Variants in NT5DC1 observed in about 807,000 individuals in gnomAD.
The protein encoded by NT5DC1 is 5'-nucleotidase domain-containing protein 1.
Under a neutral mutation model 59.4 loss-of-function variants are expected in NT5DC1, and 42 were observed. The ratio of observed to expected loss-of-function variants is 0.71; its 90% confidence interval spans 0.55 to 0.92. NT5DC1 has a LOEUF of 0.92. NT5DC1 is among the 40% of genes least tolerant of loss of function. The pLI, the probability that NT5DC1 is intolerant of heterozygous loss-of-function variation, is 0.00. For missense variants in NT5DC1, 501 were observed against 537.1 expected (o/e 0.93, Z 0.66); for synonymous variants, 172 against 188.1 (o/e 0.91, Z 0.70).
chr6:116,171,135 C>T (rs1780595758), intron 6 of NT5DC1, among the ~76,000 whole-genome samples: 1 of 152,002 alleles, frequency 6.6e-6, no homozygotes, highest in African/African-American at 2.4e-5. Context: ...GTAGGTGTTC[C>T]ATAAGTGATT....
chr6:116,176,461 G>A (rs949723522), intron 6 of NT5DC1, among the ~76,000 whole-genome samples: 13 of 152,068 alleles, frequency 8.5e-5, no homozygotes, highest in African/African-American at 3.1e-4. Flanking sequence ...TGCTTTACTG[G>A]TTCTCCTCCC....
rs143025303 is a variant in NT5DC1, at chr6:116,133,514, C to T, written c.529+15569C>T. On this transcript the variant is annotated intron_variant, in intron 6 of 11. Coordinates refer to ENST00000319550, the MANE Select transcript of NT5DC1 (RefSeq NM_152729.3). ...CGAGTACCTGTAGAATATTAAGTAC[C>T]TATAGGGCACCTGAGTACCTGTAGG... is the stretch of plus-strand genomic sequence containing the variant. 9.2e-3 allele frequency among the ~76,000 whole-genome samples: 1,406 copies of T among 152,176 alleles called. 18 individuals carry two copies. Among genetic ancestry groups the T allele is most frequent in the African/African-American group, 0.031 (1,297 of 41,536 alleles).
chr6:116,221,349 A>T (rs981467156), intron 7 of NT5DC1, 121 bp downstream of exon 7: 1 of 632,694 alleles, frequency 1.6e-6, no homozygotes, highest in Non-Finnish European at 2.7e-6. Context: ...CTGAGTGACA[A>T]GTTGATTTTT....
chr6:116,179,525 A>G (rs1269836858), intron 6 of NT5DC1, among the ~76,000 whole-genome samples: 2 of 152,200 alleles, frequency 1.3e-5, no homozygotes, highest in Non-Finnish European at 1.5e-5. Context: ...CCCAACAAAC[A>G]TATGACAAAA....
At chr6:116,132,631 T>C (rs150215278) in intron 6 of NT5DC1, among the ~76,000 whole-genome samples, 1 of 152,314 alleles carries the variant, frequency 6.6e-6, no homozygotes, top group East Asian at 1.9e-4. Flanking sequence ...GCACATCCCC[T>C]GGCCTAATGT....
Position 116,131,366 on chromosome 6 carries a change from T to G in NT5DC1, c.529+13421T>G, listed in dbSNP as rs559454099. Among the ~76,000 whole-genome samples, 3 of 152,344 alleles carry G rather than the reference T, an allele frequency of 2.0e-5. No homozygotes were observed. In the East Asian group the frequency reaches 5.8e-4, roughly 29 times the overall value. On this transcript the variant is annotated intron_variant, in intron 6 of 11. Coordinates refer to ENST00000319550, the MANE Select transcript of NT5DC1 (RefSeq NM_152729.3). Reference sequence around the variant, plus strand: ...CTGTATGTAACTATTTTTAAAACATTGTTTTGATTTATCCTTTTTATTAAA... The same window carrying G: ...CTGTATGTAACTATTTTTAAAACATGGTTTTGATTTATCCTTTTTATTAAA...
intron 6 of NT5DC1, among the ~76,000 whole-genome samples, chr6:116,199,653 G>A (rs1781306072): frequency 1.3e-5 from 2 of 152,002 alleles, no homozygotes; most frequent in African/African-American, 4.8e-5. Context: ...TGTAGTGCCA[G>A]AAGTAAATAA....
chr6:116,185,449 T>C (rs531210833), intron 6 of NT5DC1, among the ~76,000 whole-genome samples: 12 of 152,264 alleles, frequency 7.9e-5, no homozygotes, highest in Non-Finnish European at 1.5e-4. Context: ...TGTCTAATGC[T>C]GTCAGTGGAG....
In NT5DC1 at chr6:116,128,316, T is replaced by A. The variant is rs1355555013; in HGVS notation, c.529+10371T>A. 4.6e-5 allele frequency among the ~76,000 whole-genome samples: 7 copies of A among 152,156 alleles called. No homozygotes were observed. In the East Asian group the frequency reaches 1.3e-3, roughly 29 times the overall value. On this transcript the variant is annotated intron_variant, in intron 6 of 11. Transcript: ENST00000319550. ...GCACTGTCTTGTCCAAAACAGATTGTAGAATCAGAATATTTTCTAGCCACA... is the reference window on the plus strand; with the variant it reads ...GCACTGTCTTGTCCAAAACAGATTGAAGAATCAGAATATTTTCTAGCCACA...
chr6:116,108,491 C>A, intron 3 of NT5DC1, 56 bp downstream of exon 3: 1 of 964,656 alleles, frequency 1.0e-6, no homozygotes, highest in Non-Finnish European at 1.7e-6. Context: ...CACTTTATTA[C>A]TGAGTGGCAT....
intron 6 of NT5DC1, among the ~76,000 whole-genome samples, chr6:116,201,498 T>TG (rs1781345721): frequency 6.6e-6 from 1 of 152,054 alleles, no homozygotes; most frequent in Admixed American, 6.6e-5. Context: ...CAGTGACTTA[T>TG]GGGACTGCCT....
At chr6:116,152,289 A>G (rs1780062307) in intron 6 of NT5DC1, among the ~76,000 whole-genome samples, 1 of 152,228 alleles carries the variant, frequency 6.6e-6, no homozygotes, top group Non-Finnish European at 1.5e-5. Flanking sequence ...TTAACACCTT[A>G]AAGGTGCACA....
intron 6 of NT5DC1, among the ~76,000 whole-genome samples, chr6:116,130,756 A>G (rs1411717506): frequency 6.6e-6 from 1 of 152,130 alleles, no homozygotes; most frequent in Non-Finnish European, 1.5e-5. Context: ...TTGTATCTGT[A>G]GCTGCTTGGT....
rs117812272 is a variant in NT5DC1, at chr6:116,175,762, T to C, written c.530-45292T>C. On this transcript the variant is annotated intron_variant, in intron 6 of 11. Coordinates refer to ENST00000319550, the MANE Select transcript of NT5DC1 (RefSeq NM_152729.3). ...TACTGTCTTTTAAAACTTTTAATAT[T>C]TCCATAGTTTTAATTGATCTACTGA... Among the ~76,000 whole-genome samples the C allele has an allele frequency of 5.4e-4, 83 of 152,312 alleles. 1 individual carries two copies. The East Asian group carries it at 0.014, about 26-fold the overall frequency.
Position 116,163,610 on chromosome 6 carries a change from C to T in NT5DC1, c.529+45665C>T, listed in dbSNP as rs182858206. Among the ~76,000 whole-genome samples the T allele has an allele frequency of 2.4e-3, 362 of 152,062 alleles. 5 individuals are homozygous for T. Among genetic ancestry groups the T allele is most frequent in the African/African-American group, 8.1e-3 (336 of 41,476 alleles). On this transcript the variant is annotated intron_variant, in intron 6 of 11. Transcript: ENST00000319550. ...GATCCCTTGTGTGATATTTTAGTCT[C>T]AATTGTATTTAGTTCTGCTCTGATC...
intron 6 of NT5DC1, among the ~76,000 whole-genome samples, chr6:116,153,659 A>G (rs939733544): frequency 2.4e-4 from 36 of 152,178 alleles, no homozygotes; most frequent in African/African-American, 6.8e-4. Context: ...TAAAATTGCT[A>G]TTGTTGTCAA....
chr6:116,191,982 C>T (rs770779846), intron 6 of NT5DC1, among the ~76,000 whole-genome samples: 3 of 151,978 alleles, frequency 2.0e-5, no homozygotes, highest in Non-Finnish European at 4.4e-5. Context: ...GTAGAAATTA[C>T]GAGCAAACAT....
intron 6 of NT5DC1, chr6:116,120,586 AG>A: frequency 6.3e-7 from 1 of 1,592,276 alleles, no homozygotes; most frequent in Non-Finnish European, 8.5e-7. Context: ...CTGGAGGCCC[AG>A]GGGGCCCTGG....
chr6:116,190,987 T>C (rs1781104341), intron 6 of NT5DC1, among the ~76,000 whole-genome samples: 1 of 151,954 alleles, frequency 6.6e-6, no homozygotes, highest in Non-Finnish European at 1.5e-5. Context: ...CAGCTCTTTA[T>C]TTTAAGTGAG....
Sources: gnomAD v4.1 joint callset for allele counts (sites outside exome capture counted in the v4.1 genomes callset) on GRCh38, gnomAD v4.1.1 for gene constraint, MANE v1.5 for transcripts, NCBI Gene and HGNC (gene_info 2026-07-23, HGNC 2026-07-21) for gene names.